ACTR3B: variants seen among roughly 807,000 people sequenced by gnomAD.
ACTR3B encodes the protein actin-related protein 3B.
In ACTR3B, 8 loss-of-function variants were observed where a neutral mutation model predicts 59.0. The ratio of observed to expected loss-of-function variants is 0.14; its 90% confidence interval spans 0.08 to 0.24. The LOEUF is 0.24. Ranked by LOEUF, ACTR3B falls within the 10% of genes least tolerant of loss-of-function variation. The pLI is 1.00. For missense variants in ACTR3B, 245 were observed against 552.3 expected (o/e 0.44, Z 5.58); for synonymous variants, 148 against 197.9 (o/e 0.75, Z 2.12).
chr7:152,801,171 C>CT (rs1438851990), intron 3 of ACTR3B, among the ~76,000 whole-genome samples: 2 of 152,282 alleles, frequency 1.3e-5, no homozygotes, highest in Non-Finnish European at 2.9e-5. Flanking sequence ...CCTCGACCTC[C>CT]TGAGCTCAAG....
chr7:152,825,759 C>T (rs183172695), intron 9 of ACTR3B, among the ~76,000 whole-genome samples: 4,649 of 152,248 alleles, frequency 0.031, 100 homozygotes, highest in Middle Eastern at 0.099. Context: ...CCATTGGTTT[C>T]GTTTCATGCA....
intron 9 of ACTR3B, among the ~76,000 whole-genome samples, chr7:152,848,446 G>A (rs190518469): frequency 6.6e-6 from 1 of 152,306 alleles, no homozygotes; most frequent in African/African-American, 2.4e-5. Flanking sequence ...CTTTAAAAAA[G>A]CAAATGAAAA....
chr7:152,817,051 C>T (rs1795752371), intron 6 of ACTR3B, among the ~76,000 whole-genome samples: 1 of 147,046 alleles, frequency 6.8e-6, no homozygotes, highest in South Asian at 2.3e-4. Context: ...ATGTGAATGG[C>T]AACCAGCTCA....
chr7:152,777,544 G>A (rs2098139104), intron 1 of ACTR3B, among the ~76,000 whole-genome samples: 1 of 152,280 alleles, frequency 6.6e-6, no homozygotes, highest in East Asian at 1.9e-4. Context: ...GTTAGACAGG[G>A]TAGTTGTTGA....
intron 10 of ACTR3B, 122 bp from the exon 11 acceptor site, chr7:152,853,372 G>A: frequency 1.3e-6 from 1 of 761,046 alleles, no homozygotes; most frequent in Non-Finnish European, 2.3e-6. Flanking sequence ...TGGGTGTGAG[G>A]TGGTGCTCGT....
intron 4 of ACTR3B, among the ~76,000 whole-genome samples, chr7:152,804,368 G>A (rs538418122): frequency 9.2e-5 from 14 of 152,226 alleles, no homozygotes; most frequent in Admixed American, 3.3e-4. Context: ...ATGAGAGGGC[G>A]TGGTGATTCT....
At chr7:152,781,308 A>T (rs2098153048) in intron 1 of ACTR3B, among the ~76,000 whole-genome samples, 2 of 143,076 alleles carry the variant, frequency 1.4e-5, no homozygotes, top group South Asian at 4.4e-4. Context: ...GTTCCATCAG[A>T]TTCTTTTTCT....
intron 2 of ACTR3B, among the ~76,000 whole-genome samples, chr7:152,792,258 A>G (rs2098199057): frequency 6.6e-6 from 1 of 152,160 alleles, no homozygotes; most frequent in Non-Finnish European, 1.5e-5. Context: ...CACATCAGTT[A>G]CAATTTTTGC....
intron 5 of ACTR3B, among the ~76,000 whole-genome samples, chr7:152,816,043 A>C (rs1205442908): frequency 6.6e-6 from 1 of 150,934 alleles, no homozygotes; most frequent in African/African-American, 2.4e-5. Context: ...ACCTTCTGGG[A>C]TGAAGGGATC....
intron 2 of ACTR3B, among the ~76,000 whole-genome samples, chr7:152,792,673 G>C (rs2116684641): frequency 6.6e-6 from 1 of 152,170 alleles, no homozygotes; most frequent in Middle Eastern, 3.4e-3. Context: ...GCTTGAACCT[G>C]GGAGGTGGAG....
chr7:152,823,803 GT>G (rs201536355), intron 8 of ACTR3B, among the ~76,000 whole-genome samples: 4,464 of 152,284 alleles, frequency 0.029, 95 homozygotes, highest in Middle Eastern at 0.099. Flanking sequence ...GTTGTGGGTG[GT>G]CACATGCCAG....
chr7:152,765,106 G>GC, intron 1 of ACTR3B, among the ~76,000 whole-genome samples: 1 of 114,102 alleles, frequency 8.8e-6, no homozygotes, highest in African/African-American at 3.3e-5. Flanking sequence ...TCTTACCCTG[G>GC]CCCTTTTTTT....
chr7:152,829,133 A>G (rs1039979737), intron 9 of ACTR3B, among the ~76,000 whole-genome samples: 1 of 152,002 alleles, frequency 6.6e-6, no homozygotes, highest in Non-Finnish European at 1.5e-5. Context: ...TGATACAGGT[A>G]TGTACATCGT....
At chr7:152,772,497 C>T (rs534104825) in intron 1 of ACTR3B, among the ~76,000 whole-genome samples, 1 of 152,094 alleles carries the variant, frequency 6.6e-6, no homozygotes, top group African/African-American at 2.4e-5. Flanking sequence ...TGCACTCCAG[C>T]CTGGGTGACA....
chr7:152,825,925 T>C (rs1180739544), intron 9 of ACTR3B, among the ~76,000 whole-genome samples: 1 of 152,216 alleles, frequency 6.6e-6, no homozygotes, highest in Non-Finnish European at 1.5e-5. Context: ...ATCTAGTCTA[T>C]ATGATTATTG....
In ACTR3B at chr7:152,812,180, A is replaced by T. The variant is rs1311641503; in HGVS notation, c.337-2370A>T. On this transcript the variant is annotated intron_variant, in intron 4 of 11. Transcript: ENST00000256001. ...CAAGTAGCTGGGACTACAGGTGCACACCACCATGCCTGGCTAATTTTTGTA... is the reference window on the plus strand; with the variant it reads ...CAAGTAGCTGGGACTACAGGTGCACTCCACCATGCCTGGCTAATTTTTGTA... 2 of 95,974 alleles carry T rather than the reference A, an allele frequency of 2.1e-5. 1 individual carries two copies. Among genetic ancestry groups the T allele is most frequent in the African/African-American group, 5.7e-5 (2 of 35,106 alleles). 5.9% of individuals were successfully genotyped at this position (95,974 alleles called of 1,614,324 possible).
In ACTR3B at chr7:152,824,915, A is replaced by G. The variant is rs1260399598; in HGVS notation, c.859-115A>G. ...TGACATATCCTTCATTCCAATGTGA[A>G]TTCTTTTAAGTTATAATAAATTGTA... On this transcript the variant is annotated intron_variant, in intron 8 of 11. Transcript: ENST00000256001. The surrounding 1 kb of genome is among the most constrained non-coding windows in gnomAD (Gnocchi z 4.2). 11 of 1,181,460 alleles carry G rather than the reference A, an allele frequency of 9.3e-6. No individual in the cohort carries two copies. Among genetic ancestry groups the G allele is most frequent in the African/African-American group, 3.1e-5 (2 of 63,798 alleles). The allele number at this position is 1,181,460 out of a possible 1,614,324, so 73.2% of individuals were successfully genotyped here. A position where few individuals can be genotyped will look rare whatever the true frequency, so the allele number is the denominator to read the frequency against.
Position 152,825,044 on chromosome 7 carries a change from CTT to C in ACTR3B, c.875_876del (p.Phe292TyrfsTer9). ...FFHPEFANPD[F>X]MESISDVVDE... ...ACACAATTCAGTTTGCCAACCCAGA[CTT>C]TATGGAGTCCATCTCAGATGTTGTT... On this transcript the variant is annotated frameshift_variant, in exon 9 of 12. Transcript: ENST00000256001. LOFTEE classifies it high-confidence loss of function. 1 of 1,613,276 alleles carries C rather than the reference CTT, an allele frequency of 6.2e-7. No individual in the cohort carries two copies. Among genetic ancestry groups the C allele is most frequent in the Non-Finnish European group, 8.5e-7 (1 of 1,179,624 alleles).
chr7:152,775,274 C>A (rs565955482), intron 1 of ACTR3B, among the ~76,000 whole-genome samples: 6 of 150,420 alleles, frequency 4.0e-5, no homozygotes, highest in Admixed American at 6.6e-5. Flanking sequence ...AATTAATTGA[C>A]CTTAGGGTCA....
Sources: gnomAD v4.1 joint callset for allele counts (sites outside exome capture counted in the v4.1 genomes callset) on GRCh38, gnomAD v4.1.1 for gene constraint, Gnocchi (gnomAD v3.1) non-coding constraint, MANE v1.5 for transcripts, NCBI Gene and HGNC (gene_info 2026-07-23, HGNC 2026-07-21) for gene names.